Variants in SUGCT observed in about 807,000 individuals in gnomAD.
The protein encoded by SUGCT is succinyl-CoA:glutarate-CoA transferase.
In SUGCT, 41 loss-of-function variants were observed where a neutral mutation model predicts 55.0. The observed-to-expected ratio is 0.74, with a 90% confidence interval of 0.58 to 0.97. The LOEUF (loss-of-function observed/expected upper bound fraction) is 0.97, where lower values mean the gene tolerates loss of function less well. Among genes scored for constraint, SUGCT ranks in the 50% least tolerant of loss-of-function variants. The pLI is 0.00. For missense variants in SUGCT, 568 were observed against 547.8 expected (o/e 1.04, Z -0.37); for synonymous variants, 187 against 200.4 (o/e 0.93, Z 0.56).
chr7:40,249,148 C>T (rs906815255), intron 7 of SUGCT, among the ~76,000 whole-genome samples: 7 of 150,864 alleles, frequency 4.6e-5, no homozygotes, highest in Admixed American at 1.3e-4. Context: ...AAAAATTTGC[C>T]AGGTGGTGTG....
chr7:40,979,135 C>T, the SUGCT span, among the ~76,000 whole-genome samples: 1,497 of 152,166 alleles, frequency 9.8e-3, 13 homozygotes, highest in Non-Finnish European at 0.016. Context: ...ATACTGAGCC[C>T]CATATCTGTG....
intron 12 of SUGCT, 47 bp downstream of exon 12, chr7:40,496,433 A>T: frequency 7.7e-7 from 1 of 1,291,906 alleles, no homozygotes; most frequent in Non-Finnish European, 1.1e-6. Context: ...GTCCAGATTG[A>T]CTTATATCAA....
intron 12 of SUGCT, among the ~76,000 whole-genome samples, chr7:40,645,927 T>C (rs1800483250): frequency 1.3e-5 from 2 of 152,182 alleles, no homozygotes. Flanking sequence ...GTTCCAGACA[T>C]GGATATCTAA....
At chr7:40,466,502 C>T (rs1356812086) in intron 11 of SUGCT, among the ~76,000 whole-genome samples, 1 of 152,330 alleles carries the variant, frequency 6.6e-6, no homozygotes, top group East Asian at 1.9e-4. Flanking sequence ...GCATCTACCC[C>T]ACTCAACTTT....
the SUGCT span, among the ~76,000 whole-genome samples, chr7:41,006,763 T>C: frequency 1.3e-5 from 2 of 152,226 alleles, no homozygotes; most frequent in Non-Finnish European, 2.9e-5. Flanking sequence ...TGTTGTAAAA[T>C]ACTTGGTTCT....
the SUGCT span, chr7:40,965,208 G>A: frequency 0.33 from 50,380 of 152,006 alleles, 8,775 homozygotes; most frequent in African/African-American, 0.44. Context: ...AAATACATTC[G>A]CTTCCCCTGA....
chr7:40,961,860 T>C, the SUGCT span, among the ~76,000 whole-genome samples: 39 of 152,256 alleles, frequency 2.6e-4, no homozygotes, highest in Admixed American at 2.4e-3. Flanking sequence ...GTTCATGGTC[T>C]CCCTGGCCTC....
At chr7:40,451,758 A>G (rs951918163) in intron 10 of SUGCT, among the ~76,000 whole-genome samples, 1 of 152,196 alleles carries the variant, frequency 6.6e-6, no homozygotes, top group African/African-American at 2.4e-5. Context: ...CTTCTTACCT[A>G]AGAAAAATCA....
intron 9 of SUGCT, among the ~76,000 whole-genome samples, chr7:40,334,386 A>G (rs1480193331): frequency 6.6e-6 from 1 of 152,068 alleles, no homozygotes; most frequent in Admixed American, 6.6e-5. Flanking sequence ...AAGTGTTCCT[A>G]TTTCTCCACA....
the SUGCT span, among the ~76,000 whole-genome samples, chr7:40,900,671 C>T: frequency 8.5e-5 from 13 of 152,182 alleles, no homozygotes; most frequent in Non-Finnish European, 1.8e-4. Context: ...GTGAAGAGCA[C>T]GTCATACTTC....
At chr7:40,538,775 A>G (rs1794511150) in intron 12 of SUGCT, 1 of 152,222 alleles carries the variant, frequency 6.6e-6, no homozygotes, top group African/African-American at 2.4e-5. Context: ...GATAAGCAAC[A>G]TGCATTAAAA....
intron 12 of SUGCT, among the ~76,000 whole-genome samples, chr7:40,665,432 A>AAAAAAAAT (rs1801569135): frequency 7.1e-6 from 1 of 140,418 alleles, no homozygotes; most frequent in South Asian, 2.3e-4. Flanking sequence ...TCTATCTCAA[A>AAAAAAAAT]AAATAAATAA....
chr7:40,290,685 C>G (rs1165257818), intron 8 of SUGCT, among the ~76,000 whole-genome samples: 1 of 152,064 alleles, frequency 6.6e-6, no homozygotes, highest in Non-Finnish European at 1.5e-5. Flanking sequence ...AGCTTCTGCA[C>G]AGCAAAAGAA....
At chr7:40,656,661 C>A (rs1801031054) in intron 12 of SUGCT, among the ~76,000 whole-genome samples, 1 of 152,152 alleles carries the variant, frequency 6.6e-6, no homozygotes, top group Non-Finnish European at 1.5e-5. Context: ...ATGCTAGTTT[C>A]CAGACTGAAA....
chr7:40,240,238 C>A (rs1222629594), intron 7 of SUGCT, among the ~76,000 whole-genome samples: 1 of 152,114 alleles, frequency 6.6e-6, no homozygotes, highest in African/African-American at 2.4e-5. Flanking sequence ...AATCCCAGCA[C>A]TTTGGGAGGC....
intron 12 of SUGCT, among the ~76,000 whole-genome samples, chr7:40,504,141 A>G (rs1286356908): frequency 1.3e-5 from 2 of 152,208 alleles, no homozygotes; most frequent in African/African-American, 4.8e-5. Context: ...TACTTATAAC[A>G]TGAGTAAGTT....
At chr7:40,503,142 G>A (rs964217871) in intron 12 of SUGCT, among the ~76,000 whole-genome samples, 3 of 151,970 alleles carry the variant, frequency 2.0e-5, no homozygotes, top group Admixed American at 1.3e-4. Flanking sequence ...AGAAAAATCC[G>A]AGGCCTAGAT....
At chr7:40,444,483 C>G (rs1353412708) in intron 9 of SUGCT, among the ~76,000 whole-genome samples, 2 of 152,238 alleles carry the variant, frequency 1.3e-5, no homozygotes, top group Admixed American at 6.5e-5. Context: ...CTCTTTGAAG[C>G]AATTGTGAAT....
chr7:40,292,324 A>T (rs1793839752), intron 8 of SUGCT, among the ~76,000 whole-genome samples: 1 of 151,962 alleles, frequency 6.6e-6, no homozygotes, highest in Non-Finnish European at 1.5e-5. Flanking sequence ...CTTGCTCTAG[A>T]GTCTGTATTT....
Sources: allele counts gnomAD v4.1 joint callset (sites outside exome capture counted in the v4.1 genomes callset), GRCh38; gene constraint gnomAD v4.1.1; transcripts MANE v1.5; gene names NCBI Gene and HGNC (gene_info 2026-07-23, HGNC 2026-07-21).